Variants in SEC14L1 observed in about 807,000 individuals in gnomAD.
The protein encoded by SEC14L1 is SEC14 like lipid binding 1.
Under a neutral mutation model 85.3 loss-of-function variants are expected in SEC14L1, and 48 were observed. The ratio of observed to expected loss-of-function variants is 0.56; its 90% CI spans 0.45 to 0.72. SEC14L1 has a LOEUF of 0.72. Among genes scored for constraint, SEC14L1 ranks in the 30% least tolerant of loss-of-function variants. SEC14L1 has a pLI of 0.00. For synonymous variants in SEC14L1, 391 were observed against 355.5 expected (o/e 1.10, Z -1.12); for missense variants, 682 against 921.4 (o/e 0.74, Z 3.36).
chr17:77,102,783 C>T (rs1971809201), intron 3 of SEC14L1, among the ~76,000 whole-genome samples: 1 of 152,108 alleles, frequency 6.6e-6, no homozygotes, highest in Non-Finnish European at 1.5e-5. Context: ...GGATTACAAG[C>T]ATAAGCCACC....
At chr17:77,202,928 T>TAAA (rs1452299295) in intron 9 of SEC14L1, among the ~76,000 whole-genome samples, 1 of 82,996 alleles carries the variant, frequency 1.2e-5, no homozygotes. Flanking sequence ...CTAAAAAAAA[T>TAAA]AAAAAAATAA....
At chr17:77,179,012 G>C (rs894044401) in intron 3 of SEC14L1, among the ~76,000 whole-genome samples, 2 of 152,222 alleles carry the variant, frequency 1.3e-5, no homozygotes, top group Admixed American at 1.3e-4. Context: ...AAGAGAAAAC[G>C]TGGAATTTGG....
chr17:77,111,388 T>C (rs972083686), intron 3 of SEC14L1, among the ~76,000 whole-genome samples: 1 of 147,674 alleles, frequency 6.8e-6, no homozygotes, highest in East Asian at 2.0e-4. Flanking sequence ...CCAAAGTTCT[T>C]TTGAAGTGTT....
At chr17:77,143,115 G>A (rs1246893212) in intron 2 of SEC14L1, among the ~76,000 whole-genome samples, 1 of 152,062 alleles carries the variant, frequency 6.6e-6, no homozygotes, top group African/African-American at 2.4e-5. Context: ...TTTTTTTCCA[G>A]TTTTATTTTT....
At chr17:77,146,713 A>C (rs62078294) in intron 3 of SEC14L1, among the ~76,000 whole-genome samples, 1,948 of 152,116 alleles carry the variant, frequency 0.013, 20 homozygotes, top group Non-Finnish European at 0.018. Context: ...CAAACAAACA[A>C]ACACACAGAC....
At chr17:77,160,897 A>G (rs921467743) in intron 3 of SEC14L1, among the ~76,000 whole-genome samples, 1 of 152,194 alleles carries the variant, frequency 6.6e-6, no homozygotes, top group Non-Finnish European at 1.5e-5. Context: ...TTACTATGTA[A>G]GTGATGTGTT....
intron 3 of SEC14L1, among the ~76,000 whole-genome samples, chr17:77,118,844 C>T (rs749794492): frequency 5.3e-5 from 8 of 152,148 alleles, no homozygotes; most frequent in Non-Finnish European, 1.0e-4. Context: ...CAAAGTGATC[C>T]CAAGAGGCTT....
Position 77,216,319 on chromosome 17 carries a change from G to A in SEC14L1, c.*2296G>A, listed in dbSNP as rs1977085569. Reference sequence around the variant, plus strand: ...TAGGTAGGGCTAGTAGGTAGGGCTAGTAGGTAGGGCTAGTAGGTAGGGTTA... The same window carrying A: ...TAGGTAGGGCTAGTAGGTAGGGCTAATAGGTAGGGCTAGTAGGTAGGGTTA... On this transcript the variant is annotated 3_prime_UTR_variant, in exon 17 of 17. Coordinates refer to ENST00000436233, the MANE Select transcript of SEC14L1 (RefSeq NM_001143998.2). 1 of 1,341,452 alleles carries A rather than the reference G, an allele frequency of 7.5e-7. No individual in the cohort carries two copies. The highest frequency in any genetic ancestry group is 9.6e-7 in the Non-Finnish European group (1 of 1,045,064). 83.1% of individuals were successfully genotyped at this position (1,341,452 alleles called of 1,614,324 possible). A position where few individuals can be genotyped will look rare whatever the true frequency, so the allele number is the denominator to read the frequency against.
At chr17:77,155,164 C>T (rs1338785142) in intron 3 of SEC14L1, among the ~76,000 whole-genome samples, 2 of 152,180 alleles carry the variant, frequency 1.3e-5, no homozygotes, top group Non-Finnish European at 2.9e-5. Flanking sequence ...AAAGCTTTGT[C>T]TTCACCCGAG....
chr17:77,196,085 C>A (rs549384008), intron 7 of SEC14L1, 117 bp from the exon 8 acceptor site: 7 of 707,764 alleles, frequency 9.9e-6, no homozygotes, highest in Non-Finnish European at 1.7e-5. Flanking sequence ...GCCATCTCTG[C>A]GGTTTCATGT....
In SEC14L1 at chr17:77,143,556, A is replaced by G. The variant is rs779569334; in HGVS notation, c.-30-11A>G. On this transcript the variant is annotated splice_polypyrimidine_tract_variant and intron_variant, in intron 2 of 16. Transcript: ENST00000436233. ...TTGTGGTTACTTATCACATATATTT[A>G]TGTTTTGCAGGTGTGAGAGGGTTGC... 4 of 1,531,024 alleles carry G rather than the reference A, an allele frequency of 2.6e-6. No individual in the cohort carries two copies. Among genetic ancestry groups the G allele is most frequent in the Non-Finnish European group, 3.6e-6 (4 of 1,106,316 alleles). The allele number at this position is 1,531,024 out of a possible 1,614,324, so 94.8% of individuals were successfully genotyped here.
At chr17:77,148,633 C>G (rs1448520929) in intron 3 of SEC14L1, among the ~76,000 whole-genome samples, 1 of 152,104 alleles carries the variant, frequency 6.6e-6, no homozygotes. Context: ...CTTCAGGAAC[C>G]AAGGCACCTG....
chr17:77,172,814 C>CAG (rs1238428687), intron 3 of SEC14L1, among the ~76,000 whole-genome samples: 1 of 152,130 alleles, frequency 6.6e-6, no homozygotes, highest in Admixed American at 6.5e-5. Context: ...GTTTTGGATG[C>CAG]GGAATACAGA....
chr17:77,115,158 C>T (rs1465180099), intron 3 of SEC14L1, among the ~76,000 whole-genome samples: 2 of 151,190 alleles, frequency 1.3e-5, no homozygotes, highest in African/African-American at 2.4e-5. Flanking sequence ...CGGCCGGGCA[C>T]GGTGGCTCAT....
chr17:77,182,794 A>G (rs1975095156), intron 3 of SEC14L1, among the ~76,000 whole-genome samples: 1 of 152,222 alleles, frequency 6.6e-6, no homozygotes, highest in Admixed American at 6.5e-5. Flanking sequence ...TAGTGCAGAG[A>G]TAAAACGTGA....
chr17:77,115,091 T>C (rs1221685232), intron 3 of SEC14L1, among the ~76,000 whole-genome samples: 1 of 152,136 alleles, frequency 6.6e-6, no homozygotes, highest in Non-Finnish European at 1.5e-5. Context: ...GTGGGTGTTT[T>C]ATATAACTTG....
chr17:77,183,397 G>T (rs945353914), intron 3 of SEC14L1, among the ~76,000 whole-genome samples: 3 of 152,222 alleles, frequency 2.0e-5, no homozygotes, highest in Non-Finnish European at 4.4e-5. Flanking sequence ...AAAGTAAGTT[G>T]CTTTATGTCA....
chr17:77,209,536 C>T (rs72878693), intron 14 of SEC14L1, 60 bp downstream of exon 14: 37,558 of 1,564,804 alleles, frequency 0.024, 513 homozygotes, highest in Non-Finnish European at 0.027. Context: ...GCCTGGCCCT[C>T]GCAGGGCTTC....
intron 3 of SEC14L1, among the ~76,000 whole-genome samples, chr17:77,187,372 C>A (rs554350432): frequency 1.1e-3 from 163 of 142,594 alleles, no homozygotes; most frequent in Non-Finnish European, 2.3e-3. Flanking sequence ...TACCCTATGC[C>A]CCCCCCCCAC....
Sources: allele counts gnomAD v4.1 joint callset (sites outside exome capture counted in the v4.1 genomes callset), GRCh38; gene constraint gnomAD v4.1.1; transcripts MANE v1.5; gene names NCBI Gene and HGNC (gene_info 2026-07-23, HGNC 2026-07-21).